The following TNKS1BP1 variants were observed in gnomAD, a reference collection of about 807,000 sequenced individuals.
TNKS1BP1 encodes 182 kDa tankyrase-1-binding protein.
Under a neutral mutation model 141.1 loss-of-function variants are expected in TNKS1BP1, and 48 were observed. The observed-to-expected ratio is 0.34, with a 90% CI of 0.27 to 0.43. TNKS1BP1 has a LOEUF of 0.43. Among genes scored for constraint, TNKS1BP1 ranks in the 20% least tolerant of loss-of-function variants. The pLI, the probability that TNKS1BP1 is intolerant of heterozygous loss-of-function variation, is 1.00. For missense variants in TNKS1BP1, 2,149 were observed against 2,226.0 expected, an observed-to-expected ratio of 0.97 and a Z score of 0.70; for synonymous variants, 875 against 898.2, an observed-to-expected ratio of 0.97 and a Z score of 0.46.
Position 57,312,552 on chromosome 11 carries a change from G to C in TNKS1BP1, c.2136C>G (p.Ser712=). The C allele has an allele frequency of 6.7e-7, 1 of 1,497,428 alleles. No homozygotes were observed. The highest frequency in any genetic ancestry group is 1.8e-4 in the Middle Eastern group (1 of 5,548). The allele number at this position is 1,497,428 out of a possible 1,614,324, so 92.8% of individuals were successfully genotyped here. The change falls in exon 5 of 12, where the codon TCC becomes TCG. Residue 712 remains serine (S), a synonymous_variant. Transcript: ENST00000358252. ...GAGAELKDTQ[S]PSTCSEGLLG... ...TTCTCACCTCAGAGCAGGTACTTGG[G>C]GACTGTGTGTCCTTCAGCTCAGCTC...
chr11:57,319,939 T>A, intron 3 of TNKS1BP1, 140 bp downstream of exon 3: 4 of 1,032,686 alleles, frequency 3.9e-6, no homozygotes, highest in South Asian at 1.6e-5. Flanking sequence ...GGGATCTGCC[T>A]GTACTCACAG....
At chr11:57,306,489 A>C (rs1222238246) in intron 6 of TNKS1BP1, among the ~76,000 whole-genome samples, 1 of 152,188 alleles carries the variant, frequency 6.6e-6, no homozygotes, top group Admixed American at 6.5e-5. Context: ...ACATATTCAC[A>C]GACTGGTATT....
At chr11:57,301,140 C>T in intron 9 of TNKS1BP1, 99 bp from the exon 10 acceptor site, 1 of 1,277,794 alleles carries the variant, frequency 7.8e-7, no homozygotes, top group African/African-American at 1.5e-5. Flanking sequence ...TCCCCAGAAT[C>T]AAGCAGAGAC....
chr11:57,304,283 A>G (rs1209471430), intron 6 of TNKS1BP1, among the ~76,000 whole-genome samples: 1 of 152,054 alleles, frequency 6.6e-6, no homozygotes, highest in Non-Finnish European at 1.5e-5. Context: ...GGGCAGGGAG[A>G]GAGAGCATGA....
At chr11:57,311,265 A>C in intron 5 of TNKS1BP1, 1 of 986,078 alleles carries the variant, frequency 1.0e-6, no homozygotes, top group Non-Finnish European at 1.2e-6. Flanking sequence ...CCCTGGGCTC[A>C]GGGCTTCGGA....
At position 57,308,948 on chromosome 11, in the gene TNKS1BP1, C is replaced by T. The variant is rs749324062; in HGVS notation, c.3763G>A (p.Val1255Met). The stretch of plus-strand genomic sequence containing the variant: ...ACACCTGACCAGTCAGTCTGCCCCA[C>T]GCCACTCTCTCTGGCCTGGCTGTGG... The part of the protein sequence containing the change: ...GGHSQARESG[V>M]GQTDWSGVEA... Residue 1255 changes from valine (V) to methionine (M), a missense_variant, in exon 6 of 12, where the codon GTG becomes ATG. Val to Met is a conservative substitution (Grantham distance 21). Transcript: ENST00000358252. The T allele has an allele frequency of 6.2e-6, 10 of 1,614,184 alleles. No individual in the cohort carries two copies. The highest frequency in any genetic ancestry group is 1.1e-5 in the South Asian group (1 of 91,078).
chr11:57,308,936 C>G lies in TNKS1BP1; in HGVS notation c.3775G>C (p.Asp1259His). The G allele has an allele frequency of 6.2e-7, 1 of 1,614,126 alleles. No individual in the cohort carries two copies. The highest frequency in any genetic ancestry group is 8.5e-7 in the Non-Finnish European group (1 of 1,180,032). ...QARESGVGQT[D>H]WSGVEAGEFL... ...TCTCCGGCCTCCACACCTGACCAGT[C>G]AGTCTGCCCCACGCCACTCTCTCTG... Residue 1259 changes from aspartate to histidine, a missense_variant, in exon 6 of 12, where the codon GAC (aspartate) becomes CAC (histidine). Transcript: ENST00000358252.
chr11:57,300,599 A>AC lies in TNKS1BP1; in HGVS notation c.5130dup (p.Ser1711ValfsTer24). 1 of 1,614,166 alleles carries AC rather than the reference A, an allele frequency of 6.2e-7. No homozygotes were observed. Among genetic ancestry groups the AC allele is most frequent in the Non-Finnish European group, 8.5e-7 (1 of 1,180,030 alleles). ...AGCCAGTTGGGCGACGATCCTTCTG[A>AC]CCTAGGAGGCAGACGGCAAAGGTCC... On this transcript the variant is annotated frameshift_variant and splice_region_variant, in exon 11 of 12. Transcript: ENST00000358252. LOFTEE classifies it high-confidence loss of function.
In TNKS1BP1 at chr11:57,313,224, G is replaced by A. The variant is rs771918198; in HGVS notation, c.1464C>T (p.Gly488=). Residue 488 remains glycine, a synonymous_variant, in exon 5 of 12, where the codon GGC becomes GGT. Transcript: ENST00000358252. ...WTFPTRPSGL[G]VWRLDSPPPS... ...GAGGCGGGGAGTCCAGCCGCCACACGCCCAGACCCGAGGGCCTCGTGGGGA... is the reference window on the plus strand; with the variant it reads ...GAGGCGGGGAGTCCAGCCGCCACACACCCAGACCCGAGGGCCTCGTGGGGA... 20 of 1,612,576 alleles carry A rather than the reference G, an allele frequency of 1.2e-5. No individual in the cohort carries two copies. The highest frequency in any genetic ancestry group is 8.0e-5 in the African/African-American group (6 of 74,920).
At chr11:57,322,390 C>A in intron 1 of TNKS1BP1, 5 of 869,712 alleles carry the variant, frequency 5.7e-6, no homozygotes, top group Non-Finnish European at 6.9e-6. Flanking sequence ...CGCCCCACTG[C>A]CTGCCTCCCC....
chr11:57,324,345 AGAG>A (rs975267064), intron 1 of TNKS1BP1, among the ~76,000 whole-genome samples: 1 of 152,060 alleles, frequency 6.6e-6, no homozygotes, highest in Non-Finnish European at 1.5e-5. Context: ...CGGCAGCCGA[AGAG>A]GAGGAGGAGG....
In TNKS1BP1 at chr11:57,312,753, A is replaced by T; in HGVS notation, c.1935T>A (p.Pro645=). 6.3e-7 allele frequency: 1 copy of T among 1,594,794 alleles called. No individual in the cohort carries two copies. Among genetic ancestry groups the T allele is most frequent in the Non-Finnish European group, 8.6e-7 (1 of 1,169,180 alleles). The change falls in exon 5 of 12, where the codon CCT becomes CCA. Residue 645 remains proline (P), a synonymous_variant. Coordinates refer to ENST00000358252, the MANE Select transcript of TNKS1BP1 (RefSeq NM_033396.3). ...CTAGGGTCACGGCCTCCTCCTCAAC[A>T]GGCAGTGCCTGTCCAGGCTCAGGGG... ...ADAPEPGQAL[P]VEEEAVTLAR...
intron 6 of TNKS1BP1, among the ~76,000 whole-genome samples, chr11:57,305,696 C>T (rs1429875323): frequency 2.0e-5 from 3 of 152,156 alleles, no homozygotes; most frequent in Non-Finnish European, 4.4e-5. Flanking sequence ...AGCCACCAGC[C>T]GTGGGAACCG....
rs1855742928 is a variant in TNKS1BP1 at position 57,313,236 on chromosome 11, G to C, written c.1452C>G (p.Pro484=). The stretch of plus-strand genomic sequence containing the variant: ...CCAGCCGCCACACGCCCAGACCCGA[G>C]GGCCTCGTGGGGAAGGTCCATTCGA... ...QSFEWTFPTR[P]SGLGVWRLDS... Residue 484 remains proline (P), a synonymous_variant, in exon 5 of 12, where the codon CCC becomes CCG. Transcript: ENST00000358252. The C allele has an allele frequency of 1.9e-6, 3 of 1,612,738 alleles. No homozygotes were observed. Among genetic ancestry groups the C allele is most frequent in the African/African-American group, 2.7e-5 (2 of 74,928 alleles).
chr11:57,309,160 G>A lies in TNKS1BP1; in HGVS notation c.3551C>T (p.Ala1184Val), dbSNP rs1317908712. The change falls in exon 6 of 12, where the codon GCC (alanine) becomes GTC (valine). Residue 1184 changes from alanine to valine, a missense_variant. Coordinates refer to ENST00000358252, the MANE Select transcript of TNKS1BP1 (RefSeq NM_033396.3). This position sits in a 1 kb window ranked among gnomAD's most constrained non-coding sequence, Gnocchi z 4.3. Reference sequence around the variant, plus strand: ...CATCTGTCCCACGGCACTCTCCCTGGCCTCGCTCGAGCCCCCAGAACCCAC... The same window carrying A: ...CATCTGTCCCACGGCACTCTCCCTGACCTCGCTCGAGCCCCCAGAACCCAC... ...SCVGSGGSSE[A>V]RESAVGQMGW... is the part of the protein sequence containing the mutation. 14 of 1,613,926 alleles carry A rather than the reference G, an allele frequency of 8.7e-6. No individual in the cohort carries two copies. Among genetic ancestry groups the A allele is most frequent in the African/African-American group, 1.3e-5 (1 of 74,876 alleles).
chr11:57,306,784 T>C (rs1479292551), intron 6 of TNKS1BP1, among the ~76,000 whole-genome samples: 1 of 152,000 alleles, frequency 6.6e-6, no homozygotes, highest in Non-Finnish European at 1.5e-5. Context: ...TCCCCTAACC[T>C]AGTCCCATCA....
chr11:57,314,000 G>A, intron 4 of TNKS1BP1, 111 bp from the exon 5 acceptor site: 5 of 1,270,962 alleles, frequency 3.9e-6, no homozygotes, highest in Non-Finnish European at 5.1e-6. Context: ...CTGGGAGGAG[G>A]CAACTGGAAC....
intron 6 of TNKS1BP1, among the ~76,000 whole-genome samples, chr11:57,308,104 T>C (rs933265959): frequency 2.0e-5 from 3 of 152,178 alleles, no homozygotes; most frequent in Non-Finnish European, 2.9e-5. Flanking sequence ...ATCCAAGCTA[T>C]GACATGCACC....
In TNKS1BP1 at chr11:57,302,952, A is replaced by G; in HGVS notation, c.4317-127T>C. ...TTGCCCTCCTTCCCATGCTTTTTCC[A>G]GACTCCAAGGACACGGTCAGGGCCT... On this transcript the variant is annotated intron_variant, in intron 6 of 11. Coordinates refer to ENST00000358252, the MANE Select transcript of TNKS1BP1 (RefSeq NM_033396.3). The surrounding 1 kb of genome is among the most constrained non-coding windows in gnomAD (Gnocchi z 5.5). 8.3e-7 allele frequency: 1 copy of G among 1,207,814 alleles called. No homozygotes were observed. Among genetic ancestry groups the G allele is most frequent in the East Asian group, 2.6e-5 (1 of 38,418 alleles). 74.8% of individuals were successfully genotyped at this position (1,207,814 alleles called of 1,614,324 possible).
Sources: allele counts gnomAD v4.1 joint callset (sites outside exome capture counted in the v4.1 genomes callset), GRCh38; gene constraint gnomAD v4.1.1; non-coding constraint Gnocchi (gnomAD v3.1); transcripts MANE v1.5; gene names NCBI Gene and HGNC (gene_info 2026-07-23, HGNC 2026-07-21).